Variants in CAMK4 observed in about 807,000 individuals in gnomAD.
The protein encoded by CAMK4 is calcium/calmodulin-dependent protein kinase type IV.
A neutral mutation model predicts 44.9 loss-of-function variants in CAMK4; 22 were observed. The observed-to-expected ratio is 0.49, with a 90% CI of 0.35 to 0.70. The LOEUF (loss-of-function observed/expected upper bound fraction) is 0.70, where lower values mean the gene tolerates loss of function less well. Among genes scored for constraint, CAMK4 ranks in the 30% least tolerant of loss-of-function variants. The pLI, the probability that CAMK4 is intolerant of heterozygous loss-of-function variation, is 0.01. For synonymous variants in CAMK4, 218 were observed against 215.4 expected, an observed-to-expected ratio of 1.01 and a Z score of -0.11; for missense variants, 498 against 586.8, an observed-to-expected ratio of 0.85 and a Z score of 1.56.
chr5:111,255,670 T>A (rs1749708377), intron 1 of CAMK4, among the ~76,000 whole-genome samples: 1 of 152,208 alleles, frequency 6.6e-6, no homozygotes, highest in Non-Finnish European at 1.5e-5. Context: ...TGTGTTTGCA[T>A]ACCCGAAGCC....
At chr5:111,282,415 A>G (rs1580527258) in intron 1 of CAMK4, among the ~76,000 whole-genome samples, 1 of 150,704 alleles carries the variant, frequency 6.6e-6, no homozygotes, top group South Asian at 2.1e-4. Flanking sequence ...TTTTTCTAGT[A>G]TACATTGCTT....
intron 1 of CAMK4, among the ~76,000 whole-genome samples, chr5:111,271,529 C>G (rs1309591727): frequency 2.0e-5 from 3 of 152,152 alleles, no homozygotes; most frequent in Non-Finnish European, 2.9e-5. Context: ...AAAAAAATAG[C>G]TGCAATTGGA....
intron 1 of CAMK4, among the ~76,000 whole-genome samples, chr5:111,256,369 G>A (rs1357422957): frequency 6.6e-6 from 1 of 152,104 alleles, no homozygotes; most frequent in Admixed American, 6.6e-5. Context: ...TCTTGGTTGT[G>A]TTGGTGGTCA....
At chr5:111,344,790 G>A (rs1749801088) in intron 2 of CAMK4, among the ~76,000 whole-genome samples, 1 of 151,694 alleles carries the variant, frequency 6.6e-6, no homozygotes, top group Admixed American at 6.6e-5. Context: ...CACAGTAGAT[G>A]GGAGTTCAAA....
intron 2 of CAMK4, among the ~76,000 whole-genome samples, chr5:111,363,076 G>A (rs1750657259): frequency 6.6e-6 from 1 of 152,074 alleles, no homozygotes; most frequent in South Asian, 2.1e-4. Context: ...CCTGAAATGG[G>A]GGAGAAGAGT....
chr5:111,359,946 A>T (rs1175512675), intron 2 of CAMK4, among the ~76,000 whole-genome samples: 1 of 152,074 alleles, frequency 6.6e-6, no homozygotes, highest in East Asian at 1.9e-4. Context: ...TGATAAATCA[A>T]AGCAGATCCA....
At chr5:111,478,551 A>G in intron 9 of CAMK4, 44 bp downstream of exon 9, 2 of 1,125,696 alleles carry the variant, frequency 1.8e-6, no homozygotes, top group Non-Finnish European at 2.5e-6. Context: ...AAATAAATTT[A>G]TTTTTAACTA....
chr5:111,466,187 A>T (rs1351488881), intron 7 of CAMK4, among the ~76,000 whole-genome samples: 6 of 152,210 alleles, frequency 3.9e-5, no homozygotes, highest in African/African-American at 1.4e-4. Flanking sequence ...ATCAGCATAG[A>T]AGGGTCGTAC....
At chr5:111,321,878 T>A (rs575486587) in intron 1 of CAMK4, among the ~76,000 whole-genome samples, 1 of 152,260 alleles carries the variant, frequency 6.6e-6, no homozygotes, top group Admixed American at 6.5e-5. Context: ...TCTCCTTCAA[T>A]CACAAGTTTT....
Position 111,324,345 on chromosome 5 carries a change from G to A in CAMK4, c.162-19679G>A, listed in dbSNP as rs573686637. Among the ~76,000 whole-genome samples the A allele has an allele frequency of 2.0e-3, 308 of 151,884 alleles. 3 individuals are homozygous for A. The highest frequency in any genetic ancestry group is 8.0e-3 in the Admixed American group (122 of 15,234). On this transcript the variant is annotated intron_variant, in intron 1 of 10. Transcript: ENST00000282356. ...AAAGACAAATAGAATGAAAATAAAA[G>A]GATATAAAAAGAAATATTCAAATTC...
intron 8 of CAMK4, among the ~76,000 whole-genome samples, chr5:111,477,738 A>G (rs767441079): frequency 2.0e-4 from 31 of 152,156 alleles, no homozygotes; most frequent in Non-Finnish European, 3.2e-4. Context: ...TCTGGTGACT[A>G]TATTAATCTT....
chr5:111,429,975 A>G (rs2112936780), intron 5 of CAMK4, among the ~76,000 whole-genome samples: 1 of 151,706 alleles, frequency 6.6e-6, no homozygotes, highest in East Asian at 1.9e-4. Flanking sequence ...CTATGAGGCC[A>G]TTATTTCCCT....
At chr5:111,249,628 G>A (rs1749391909) in intron 1 of CAMK4, among the ~76,000 whole-genome samples, 1 of 130,364 alleles carries the variant, frequency 7.7e-6, no homozygotes, top group Non-Finnish European at 1.6e-5. Context: ...ATATTTGTGT[G>A]TATATATATA....
At chr5:111,317,898 T>TAAAAAAAAAAAAAAAAAAAAAA (rs3066636) in intron 1 of CAMK4, among the ~76,000 whole-genome samples, 9 of 69,828 alleles carry the variant, frequency 1.3e-4, no homozygotes, top group Non-Finnish European at 2.1e-4. Context: ...GAGTAATATG[T>TAAAAAAAAAAAAAAAAAAAAAA]AAAAAAAAAA....
intron 1 of CAMK4, among the ~76,000 whole-genome samples, chr5:111,236,854 C>A (rs773853261): frequency 2.4e-4 from 36 of 152,206 alleles, no homozygotes; most frequent in Non-Finnish European, 3.8e-4. Flanking sequence ...TAGGCCCATC[C>A]CTCAGCCTAA....
At chr5:111,223,735 C>A (rs1178453992), upstream of CAMK4, 1 of 152,472 alleles carries the variant, frequency 6.6e-6, no homozygotes, top group Non-Finnish European at 1.5e-5. The surrounding 1 kb of genome is among the most constrained non-coding windows in gnomAD (Gnocchi z 4.3). Context: ...GACCTGGGCG[C>A]TTCCTTTTCC....
intron 1 of CAMK4, among the ~76,000 whole-genome samples, chr5:111,230,256 T>G (rs1039452490): frequency 1.3e-5 from 2 of 152,202 alleles, no homozygotes; most frequent in African/African-American, 4.8e-5. Context: ...AAAAATAATG[T>G]CACTTTTCTG....
intron 5 of CAMK4, among the ~76,000 whole-genome samples, chr5:111,407,081 C>A (rs539599247): frequency 1.1e-4 from 16 of 152,204 alleles, no homozygotes; most frequent in Admixed American, 2.0e-4. Context: ...AGGCCGGGTG[C>A]GATGGCTCAT....
At chr5:111,369,231 A>G (rs1750913649) in intron 2 of CAMK4, among the ~76,000 whole-genome samples, 1 of 151,652 alleles carries the variant, frequency 6.6e-6, no homozygotes, top group African/African-American at 2.4e-5. Context: ...ATGCCCCGCT[A>G]ATTTTGTATT....
Sources: gnomAD v4.1 joint callset for allele counts (sites outside exome capture counted in the v4.1 genomes callset) on GRCh38, gnomAD v4.1.1 for gene constraint, Gnocchi (gnomAD v3.1) non-coding constraint, MANE v1.5 for transcripts, NCBI Gene and HGNC (gene_info 2026-07-23, HGNC 2026-07-21) for gene names.